Variants in PHKB observed in about 807,000 individuals in gnomAD.
PHKB encodes phosphorylase b kinase regulatory subunit beta.
In PHKB, 122 loss-of-function variants were observed where a neutral mutation model predicts 152.1. The ratio of observed to expected loss-of-function variants is 0.80; its 90% CI spans 0.69 to 0.93. The LOEUF (loss-of-function observed/expected upper bound fraction) is 0.93. Among genes scored for constraint, PHKB ranks in the 40% least tolerant of loss-of-function variants. The probability of loss-of-function intolerance (pLI) is 0.00; values close to 1 mark genes in which losing one functional copy is unlikely to be tolerated. For missense variants in PHKB, 1,304 were observed against 1,328.4 expected (o/e 0.98, Z 0.29); for synonymous variants, 436 against 464.9 (o/e 0.94, Z 0.80).
At chr16:47,592,022 T>C (rs1972037188) in intron 10 of PHKB, among the ~76,000 whole-genome samples, 1 of 152,190 alleles carries the variant, frequency 6.6e-6, no homozygotes, top group African/African-American at 2.4e-5. Context: ...TAGGTACTAC[T>C]GACATCTGGA....
At chr16:47,675,833 A>G (rs577425525) in intron 26 of PHKB, 4 of 152,160 alleles carry the variant, frequency 2.6e-5, no homozygotes, top group African/African-American at 9.6e-5. Flanking sequence ...CGCCCACAGC[A>G]CTCTTCCACC....
intron 7 of PHKB, among the ~76,000 whole-genome samples, chr16:47,577,109 C>A (rs1382475158): frequency 6.6e-6 from 1 of 151,060 alleles, no homozygotes; most frequent in African/African-American, 2.4e-5. Context: ...TTTATTTTTC[C>A]TACCTTCCTG....
At chr16:47,638,918 G>T (rs181859382) in intron 14 of PHKB, among the ~76,000 whole-genome samples, 9 of 152,296 alleles carry the variant, frequency 5.9e-5, no homozygotes, top group Admixed American at 5.9e-4. Flanking sequence ...ATGCCATTCA[G>T]AAAAGAAGGT....
At chr16:47,516,321 C>T (rs1482472315) in intron 6 of PHKB, among the ~76,000 whole-genome samples, 1 of 152,114 alleles carries the variant, frequency 6.6e-6, no homozygotes, top group Non-Finnish European at 1.5e-5. Context: ...TTTGTAGGAT[C>T]TCAGTAGGAT....
intron 25 of PHKB, among the ~76,000 whole-genome samples, chr16:47,668,855 T>C (rs1973585919): frequency 6.6e-6 from 1 of 152,218 alleles, no homozygotes; most frequent in Admixed American, 6.5e-5. Flanking sequence ...TAGACTGCAG[T>C]AAAGTGAAAC....
chr16:47,696,112 A>G (rs1034032604), intron 28 of PHKB, among the ~76,000 whole-genome samples: 3 of 151,938 alleles, frequency 2.0e-5, no homozygotes, highest in African/African-American at 7.3e-5. Flanking sequence ...CCTTTTGTGT[A>G]TTAAAGTGGC....
rs117984498 is a variant in PHKB, at chr16:47,516,885, G to A, written c.594+1284G>A. On this transcript the variant is annotated intron_variant, in intron 6 of 30. Transcript: ENST00000323584. ...TCATTTCATCCAAATAATTGTTAGTGTTTATAATATTGTGAAGTGGGATTA... is the reference window on the plus strand; with the variant it reads ...TCATTTCATCCAAATAATTGTTAGTATTTATAATATTGTGAAGTGGGATTA... Among the ~76,000 whole-genome samples, 650 of 152,262 alleles carry A rather than the reference G, an allele frequency of 4.3e-3. 4 individuals carry two copies. Among genetic ancestry groups the A allele is most frequent in the Middle Eastern group, 0.02 (6 of 294 alleles).
chr16:47,587,780 T>C lies in PHKB; in HGVS notation c.870+17T>C, dbSNP rs75918606. ...AGATCACATGTGAGACATTTAATAA[T>C]GATAAATTTAACATGAACTATTGTT... On this transcript the variant is annotated intron_variant, in intron 9 of 30. Coordinates refer to ENST00000323584, the MANE Select transcript of PHKB (RefSeq NM_000293.3). 1.6e-3 allele frequency: 2,411 copies of C among 1,531,922 alleles called. 40 individuals carry two copies. The African/African-American group carries it at 0.03, about 19-fold the overall frequency. The allele number at this position is 1,531,922 out of a possible 1,614,324, so 94.9% of individuals were successfully genotyped here.
intron 16 of PHKB, among the ~76,000 whole-genome samples, chr16:47,642,809 A>G (rs1411196535): frequency 6.6e-6 from 1 of 152,110 alleles, no homozygotes; most frequent in African/African-American, 2.4e-5. Context: ...CTACCCTGCC[A>G]AGAGATAAAG....
rs765771734 is a variant in PHKB at position 47,497,513 on chromosome 16, G to A, written c.166+25G>A. Reference sequence around the variant, plus strand: ...GGTGAGTAAAACCTGAGGAAAACGTGTCCTTAGGTATCTGCGATTAGTATT... The same window carrying A: ...GGTGAGTAAAACCTGAGGAAAACGTATCCTTAGGTATCTGCGATTAGTATT... On this transcript the variant is annotated intron_variant, in intron 2 of 30. Coordinates refer to ENST00000323584, the MANE Select transcript of PHKB (RefSeq NM_000293.3). 4 of 1,326,470 alleles carry A rather than the reference G, an allele frequency of 3.0e-6. No individual in the cohort carries two copies. In the African/African-American group the frequency reaches 5.8e-5, roughly 19 times the overall value. The allele number at this position is 1,326,470 out of a possible 1,614,324, so 82.2% of individuals were successfully genotyped here. A position where few individuals can be genotyped will look rare whatever the true frequency, so the allele number is the denominator to read the frequency against.
chr16:47,654,139 A>G (rs1973288767), intron 20 of PHKB, among the ~76,000 whole-genome samples: 2 of 152,362 alleles, frequency 1.3e-5, no homozygotes, highest in South Asian at 4.1e-4. Flanking sequence ...CAAACAACAG[A>G]GAGCCACCTA....
chr16:47,666,067 C>G (rs770785056), intron 25 of PHKB: 1 of 1,473,510 alleles, frequency 6.8e-7, no homozygotes, highest in East Asian at 2.3e-5. Context: ...TATTTGGTCC[C>G]GGTTGCAAAG....
Position 47,527,113 on chromosome 16 carries a change from G to A in PHKB, c.594+11512G>A, listed in dbSNP as rs1430561366. Among the ~76,000 whole-genome samples the A allele has an allele frequency of 3.3e-5, 5 of 152,064 alleles. No homozygotes were observed. In the East Asian group the frequency reaches 5.8e-4, roughly 18 times the overall value. On this transcript the variant is annotated intron_variant, in intron 6 of 30. Transcript: ENST00000323584. ...AACCATTTATAAGAAATCTGCCTCC[G>A]TGAGTTACTCGCCTCTAACCAGGTC...
chr16:47,663,126 ATT>A (rs1597160229), intron 23 of PHKB, among the ~76,000 whole-genome samples: 1 of 152,056 alleles, frequency 6.6e-6, no homozygotes, highest in African/African-American at 2.4e-5. Flanking sequence ...GTTTTTTATC[ATT>A]GTTTTCTTTT....
chr16:47,634,511 C>T (rs1597139154), intron 14 of PHKB, among the ~76,000 whole-genome samples: 1 of 152,110 alleles, frequency 6.6e-6, no homozygotes, highest in Non-Finnish European at 1.5e-5. Flanking sequence ...ATTTCTGTAT[C>T]GGACAGGTAC....
At chr16:47,697,519 C>A (rs570099001) in intron 29 of PHKB, among the ~76,000 whole-genome samples, 1 of 152,312 alleles carries the variant, frequency 6.6e-6, no homozygotes, top group East Asian at 1.9e-4. Flanking sequence ...TTCCTTTAGA[C>A]CTACAGCAAA....
intron 30 of PHKB, 115 bp downstream of exon 30, chr16:47,698,703 A>T (rs1208257272): frequency 1.1e-6 from 1 of 923,902 alleles, no homozygotes; most frequent in Non-Finnish European, 1.6e-6. Flanking sequence ...TCACAGGTGC[A>T]AAATAGGATA....
chr16:47,667,491 T>C (rs1055325236), intron 25 of PHKB, among the ~76,000 whole-genome samples: 3 of 152,134 alleles, frequency 2.0e-5, no homozygotes, highest in African/African-American at 7.2e-5. Flanking sequence ...ACTTCATATA[T>C]GTTATTTTCT....
intron 14 of PHKB, among the ~76,000 whole-genome samples, chr16:47,612,587 C>T (rs1972448060): frequency 6.6e-6 from 1 of 152,170 alleles, no homozygotes; most frequent in East Asian, 1.9e-4. Context: ...ACTGCTGCTA[C>T]TGAATTATCT....
Sources: gnomAD v4.1 joint callset for allele counts (sites outside exome capture counted in the v4.1 genomes callset) on GRCh38, gnomAD v4.1.1 for gene constraint, MANE v1.5 for transcripts, NCBI Gene and HGNC (gene_info 2026-07-23, HGNC 2026-07-21) for gene names.